The following RSPH1 variants were observed in gnomAD, a reference collection of about 807,000 sequenced individuals.
RSPH1 encodes the protein radial spoke head component 1, also known as radial spoke head 1 homolog.
A neutral mutation model predicts 44.2 loss-of-function variants in RSPH1; 32 were observed. The ratio of observed to expected loss-of-function variants is 0.72; its 90% CI spans 0.55 to 0.97. The LOEUF (loss-of-function observed/expected upper bound fraction) is 0.97. Among genes scored for constraint, RSPH1 ranks in the 50% least tolerant of loss-of-function variants. The pLI is 0.00. For synonymous variants in RSPH1, 134 were observed against 147.3 expected, an observed-to-expected ratio of 0.91 and a Z score of 0.65; for missense variants, 391 against 398.7, an observed-to-expected ratio of 0.98 and a Z score of 0.16.
chr21:42,486,483 C>T, intron 3 of RSPH1, 22 bp from the exon 4 acceptor site: 5 of 1,578,050 alleles, frequency 3.2e-6, no homozygotes, highest in Non-Finnish European at 4.4e-6. Context: ...AACACAAAGG[C>T]AAGCCCAGGT....
chr21:42,490,408 T>C (rs1386967996), intron 3 of RSPH1, among the ~76,000 whole-genome samples: 1 of 152,256 alleles, frequency 6.6e-6, no homozygotes, highest in Non-Finnish European at 1.5e-5. Context: ...CAGCCATACA[T>C]TAACTGAGAT....
At chr21:42,494,093 C>T (rs1373305537) in intron 1 of RSPH1, among the ~76,000 whole-genome samples, 3 of 152,176 alleles carry the variant, frequency 2.0e-5, no homozygotes, top group Non-Finnish European at 2.9e-5. Flanking sequence ...GTGATCAAAG[C>T]TTGCAATTTT....
intron 3 of RSPH1, 69 bp from the exon 4 acceptor site, chr21:42,486,530 A>G (rs2054182846): frequency 1.8e-6 from 2 of 1,132,824 alleles, no homozygotes; most frequent in South Asian, 1.2e-5. Context: ...CATGTCTTCA[A>G]ATTGTTAACC....
intron 3 of RSPH1, among the ~76,000 whole-genome samples, chr21:42,489,042 T>G (rs1213175937): frequency 6.6e-6 from 1 of 152,102 alleles, no homozygotes; most frequent in African/African-American, 2.4e-5. Context: ...GTTGGTTGGT[T>G]GGTTGGCTGG....
At chr21:42,495,295 T>C (rs1394693775) in intron 1 of RSPH1, among the ~76,000 whole-genome samples, 1 of 152,102 alleles carries the variant, frequency 6.6e-6, no homozygotes, top group Non-Finnish European at 1.5e-5. Flanking sequence ...AGCTGGGAGA[T>C]GAGTGCCCAG....
chr21:42,478,907 A>G (rs1363020319), intron 6 of RSPH1, among the ~76,000 whole-genome samples: 3 of 152,256 alleles, frequency 2.0e-5, no homozygotes, highest in Admixed American at 6.5e-5. Flanking sequence ...TATATGCGAC[A>G]TCTAGAATAG....
intron 6 of RSPH1, among the ~76,000 whole-genome samples, chr21:42,481,605 C>T (rs1357487705): frequency 6.6e-6 from 1 of 152,176 alleles, no homozygotes; most frequent in Non-Finnish European, 1.5e-5. Flanking sequence ...AAAAAACAAA[C>T]AAAAGCGTGA....
intron 3 of RSPH1, among the ~76,000 whole-genome samples, chr21:42,487,341 G>T (rs573691237): frequency 6.6e-6 from 1 of 152,170 alleles, no homozygotes; most frequent in Non-Finnish European, 1.5e-5. Flanking sequence ...TCTTAAAAAC[G>T]TGCATATTAC....
chr21:42,476,295 T>G (rs1272241990), intron 7 of RSPH1, among the ~76,000 whole-genome samples: 2 of 151,584 alleles, frequency 1.3e-5, no homozygotes. Context: ...TTCCTGAGGG[T>G]GTTGATGAGA....
chr21:42,481,756 A>G (rs937291120), intron 6 of RSPH1, among the ~76,000 whole-genome samples: 2 of 152,270 alleles, frequency 1.3e-5, no homozygotes, highest in Non-Finnish European at 2.9e-5. Context: ...TTGATCAGAC[A>G]TTAATAATGA....
In RSPH1 at chr21:42,493,010, C is replaced by G; in HGVS notation, c.124G>C (p.Asp42His). Residue 42 changes from aspartate (D) to histidine (H), a missense_variant, in exon 2 of 9, where the codon GAC (aspartate) becomes CAC (histidine). Asp to His is a moderately conservative substitution (Grantham distance 81). Transcript: ENST00000291536. ...GRGRARLPNG[D>H]TYEGSYEFGK... ...AATTCGTAGCTCCCTTCGTAGGTGT[C>G]CCCGTTGGGTAGCCGTGCCCTCCCA... The G allele has an allele frequency of 6.2e-7, 1 of 1,614,208 alleles. No individual in the cohort carries two copies. The highest frequency in any genetic ancestry group is 8.5e-7 in the Non-Finnish European group (1 of 1,180,024).
intron 6 of RSPH1, among the ~76,000 whole-genome samples, chr21:42,479,270 T>TC (rs1280841431): frequency 6.6e-6 from 1 of 152,082 alleles, no homozygotes; most frequent in African/African-American, 2.4e-5. Flanking sequence ...TCCTAATCCA[T>TC]CCCCACAGCA....
chr21:42,481,256 G>C (rs899706759), intron 6 of RSPH1, among the ~76,000 whole-genome samples: 11 of 151,990 alleles, frequency 7.2e-5, no homozygotes, highest in Admixed American at 2.0e-4. Flanking sequence ...CCTCTTTTGA[G>C]CTATGGTACC....
chr21:42,478,646 T>C (rs1292343818), intron 6 of RSPH1, among the ~76,000 whole-genome samples: 1 of 152,194 alleles, frequency 6.6e-6, no homozygotes, highest in African/African-American at 2.4e-5. Context: ...TGACAGTTCT[T>C]CAAAAAGCGA....
In RSPH1 at chr21:42,493,044, C is replaced by A. The variant is rs1357676480; in HGVS notation, c.90G>T (p.Arg30Ser). The A allele has an allele frequency of 6.2e-7, 1 of 1,614,184 alleles. No homozygotes were observed. Among genetic ancestry groups the A allele is most frequent in the Non-Finnish European group, 8.5e-7 (1 of 1,180,026 alleles). ...GTAGCCGTGCCCTCCCACGTCCGTG[C>A]CTTTCGCCTGCCTCATTCCGACCCC... ...YEGGRNEAGE[R>S]HGRGRARLPN... Residue 30 changes from arginine to serine, a missense_variant, in exon 2 of 9, where the codon AGG becomes AGT. By Grantham distance (110) the Arg-to-Ser change is moderately radical (BLOSUM62 -1). Coordinates refer to ENST00000291536, the MANE Select transcript of RSPH1 (RefSeq NM_080860.4).
At chr21:42,488,948 G>A (rs1365905431) in intron 3 of RSPH1, among the ~76,000 whole-genome samples, 1 of 152,130 alleles carries the variant, frequency 6.6e-6, no homozygotes, top group Non-Finnish European at 1.5e-5. Context: ...TGTCAACTGA[G>A]GTTTTTTCCA....
At chr21:42,473,738 T>C (rs2054016656) in intron 8 of RSPH1, among the ~76,000 whole-genome samples, 1 of 152,158 alleles carries the variant, frequency 6.6e-6, no homozygotes. Context: ...TTACTCCCTT[T>C]TCACTTAGGG....
chr21:42,474,345 G>C lies in RSPH1; in HGVS notation c.878-1475C>G, dbSNP rs2054022352. Among the ~76,000 whole-genome samples the C allele has an allele frequency of 6.6e-6, 1 of 152,164 alleles. No individual in the cohort carries two copies. The highest frequency in any genetic ancestry group is 2.4e-5 in the African/African-American group (1 of 41,430). ...TGCCACCTCCCTCCCAGCTAACCCG[G>C]AGTTTCCTGGTCCTGCCCCAGGTGA... On this transcript the variant is annotated intron_variant, in intron 8 of 8. Transcript: ENST00000291536. The surrounding 1 kb of genome is among the most constrained non-coding windows in gnomAD (Gnocchi z 5.2).
At position 42,472,666 on chromosome 21, in the gene RSPH1, CG is replaced by C. The variant is rs2054003620; in HGVS notation, c.*151del. 3.5e-6 allele frequency: 2 copies of C among 564,462 alleles called. No homozygotes were observed. Among genetic ancestry groups the C allele is most frequent in the Non-Finnish European group, 3.2e-6 (1 of 317,016 alleles). 35.0% of individuals were successfully genotyped at this position (564,462 alleles called of 1,614,324 possible). On this transcript the variant is annotated 3_prime_UTR_variant, in exon 9 of 9. Transcript: ENST00000291536. ...CCACCCAGGCTGGAGAGCAGTGGCG[CG>C]ATCTCCACTCACTGCAACTGCCACT...
Sources: allele counts gnomAD v4.1 joint callset (sites outside exome capture counted in the v4.1 genomes callset), GRCh38; gene constraint gnomAD v4.1.1; non-coding constraint Gnocchi (gnomAD v3.1); transcripts MANE v1.5; gene names NCBI Gene and HGNC (gene_info 2026-07-23, HGNC 2026-07-21).